The following JMJD1C variants were observed in gnomAD, a reference collection of about 807,000 sequenced individuals.
The protein encoded by JMJD1C is jumonji domain containing 1C, also known as jumonji domain-containing protein 1C.
A neutral mutation model predicts 245.3 loss-of-function variants in JMJD1C; 31 were observed. The ratio of observed to expected loss-of-function variants is 0.13; its 90% confidence interval spans 0.09 to 0.17. The LOEUF (loss-of-function observed/expected upper bound fraction) is 0.17. Among genes scored for constraint, JMJD1C ranks in the 10% least tolerant of loss-of-function variants. The pLI is 1.00. For synonymous variants in JMJD1C, 1,057 were observed against 1,017.4 expected (o/e 1.04, Z -0.74); for missense variants, 2,691 against 3,000.2 (o/e 0.90, Z 2.41).
chr10:63,459,024 T>C (rs1480701759), intron 1 of JMJD1C, among the ~76,000 whole-genome samples: 4 of 152,198 alleles, frequency 2.6e-5, no homozygotes, highest in African/African-American at 7.2e-5. Flanking sequence ...GCTTGGCCTA[T>C]AGCATACATT....
At chr10:63,339,623 T>TAA (rs56674933) in intron 2 of JMJD1C, among the ~76,000 whole-genome samples, 99,778 of 150,532 alleles carry the variant, frequency 0.66, 35,564 homozygotes, top group Non-Finnish European at 0.8. Flanking sequence ...ATCTCTAATT[T>TAA]AAAAAAAAAA....
At chr10:63,300,468 A>G (rs887106775) in intron 2 of JMJD1C, among the ~76,000 whole-genome samples, 5 of 152,206 alleles carry the variant, frequency 3.3e-5, no homozygotes, top group African/African-American at 1.2e-4. Context: ...ATGTTCTATC[A>G]CAGGAAGAAT....
chr10:63,325,542 T>C (rs1322243949), intron 2 of JMJD1C, among the ~76,000 whole-genome samples: 1 of 152,170 alleles, frequency 6.6e-6, no homozygotes, highest in Non-Finnish European at 1.5e-5. Context: ...CAATGTCAAT[T>C]TCTGGCTCTT....
chr10:63,227,095 T>A (rs538877182), intron 3 of JMJD1C, among the ~76,000 whole-genome samples: 13 of 152,224 alleles, frequency 8.5e-5, no homozygotes, highest in African/African-American at 2.4e-4. Context: ...CTGGAATGTG[T>A]ATTTTGACAG....
chr10:63,445,581 C>A (rs958881174), intron 1 of JMJD1C, among the ~76,000 whole-genome samples: 5 of 152,150 alleles, frequency 3.3e-5, no homozygotes, highest in Non-Finnish European at 5.9e-5. Flanking sequence ...AGTCTCTCAG[C>A]CCATTATAAG....
intron 2 of JMJD1C, among the ~76,000 whole-genome samples, chr10:63,373,576 A>T (rs1010435349): frequency 1.3e-5 from 2 of 152,228 alleles, no homozygotes; most frequent in Non-Finnish European, 2.9e-5. Flanking sequence ...GGAGTGAAAC[A>T]ACTAGAAAGA....
upstream of JMJD1C, among the ~76,000 whole-genome samples, chr10:63,467,360 A>C (rs1953336208): frequency 6.6e-6 from 1 of 152,200 alleles, no homozygotes; most frequent in African/African-American, 2.4e-5. Context: ...AAATACAAAA[A>C]ATTAGCTGGG....
intron 2 of JMJD1C, among the ~76,000 whole-genome samples, chr10:63,309,466 C>G (rs1479368850): frequency 7.7e-6 from 1 of 129,092 alleles, no homozygotes; most frequent in East Asian, 2.2e-4. Flanking sequence ...TGCACTCCAG[C>G]CTAAGCAACA....
intron 2 of JMJD1C, among the ~76,000 whole-genome samples, chr10:63,360,505 A>G (rs1271389745): frequency 2.0e-5 from 3 of 152,220 alleles, no homozygotes; most frequent in Non-Finnish European, 4.4e-5. Context: ...TTGGCTTGCA[A>G]TCTTGGTAAG....
intron 1 of JMJD1C, among the ~76,000 whole-genome samples, chr10:63,450,315 G>A (rs1419549974): frequency 6.6e-6 from 1 of 151,270 alleles, no homozygotes; most frequent in African/African-American, 2.4e-5. Context: ...TGAGGCCAGG[G>A]GTGTAAAAAA....
At chr10:63,325,541 T>C (rs1160275365) in intron 2 of JMJD1C, among the ~76,000 whole-genome samples, 1 of 152,186 alleles carries the variant, frequency 6.6e-6, no homozygotes, top group Non-Finnish European at 1.5e-5. Flanking sequence ...GCAATGTCAA[T>C]TTCTGGCTCT....
At chr10:63,253,976 C>G (rs4450077) in intron 3 of JMJD1C, among the ~76,000 whole-genome samples, 95,382 of 151,986 alleles carry the variant, frequency 0.63, 32,687 homozygotes, top group Non-Finnish European at 0.78. Flanking sequence ...AAACCTGGCC[C>G]TTAAATATAT....
At chr10:63,488,620 TATCCATTTA>T (rs1449040739) in intron 1 of JMJD1C, among the ~76,000 whole-genome samples, 4 of 152,020 alleles carry the variant, frequency 2.6e-5, no homozygotes, top group Non-Finnish European at 5.9e-5. Context: ...GCACTCATTA[TATCCATTTA>T]ATTAAAAAGA....
intron 2 of JMJD1C, among the ~76,000 whole-genome samples, chr10:63,335,111 A>G (rs1172239121): frequency 6.6e-6 from 1 of 151,932 alleles, no homozygotes; most frequent in East Asian, 1.9e-4. Flanking sequence ...AAATGGAGAC[A>G]CTACCTCACA....
chr10:63,501,795 A>G (rs1196477918), intron 1 of JMJD1C, among the ~76,000 whole-genome samples: 1 of 152,116 alleles, frequency 6.6e-6, no homozygotes, highest in Non-Finnish European at 1.5e-5. Flanking sequence ...GAACAAAACA[A>G]AACAAAAAAA....
At chr10:63,393,979 T>C (rs1458785135) in intron 1 of JMJD1C, among the ~76,000 whole-genome samples, 1 of 151,922 alleles carries the variant, frequency 6.6e-6, no homozygotes, top group Non-Finnish European at 1.5e-5. Context: ...TCGAGAGGAG[T>C]TCGAGACCAG....
intron 1 of JMJD1C, among the ~76,000 whole-genome samples, chr10:63,432,710 G>A (rs1950830077): frequency 6.6e-6 from 1 of 152,114 alleles, no homozygotes; most frequent in African/African-American, 2.4e-5. Context: ...AAAATACCAT[G>A]AGACAAAAAC....
intron 2 of JMJD1C, among the ~76,000 whole-genome samples, chr10:63,288,467 G>C (rs868024836): frequency 3.3e-5 from 5 of 152,274 alleles, no homozygotes; most frequent in Middle Eastern, 6.8e-3. Context: ...TCCATGTTTA[G>C]GTTTTGGGGT....
At chr10:63,197,326 TA>T in intron 13 of JMJD1C, 84 bp downstream of exon 13, 3 of 1,188,418 alleles carry the variant, frequency 2.5e-6, no homozygotes, top group South Asian at 1.5e-5. Context: ...AAAGTAGGAA[TA>T]AAAAAACACA....
Sources: gnomAD v4.1 joint callset for allele counts (sites outside exome capture counted in the v4.1 genomes callset) on GRCh38, gnomAD v4.1.1 for gene constraint, MANE v1.5 for transcripts, NCBI Gene and HGNC (gene_info 2026-07-23, HGNC 2026-07-21) for gene names.